The following LACTB variants were observed in gnomAD, a reference collection of about 807,000 sequenced individuals.
LACTB encodes lactamase beta.
LACTB carries 35 observed loss-of-function variants against 50.2 expected under a neutral mutation model. The observed-to-expected ratio is 0.70, with a 90% confidence interval of 0.53 to 0.92. LACTB has a LOEUF of 0.92. Ranked by LOEUF, LACTB falls within the 40% of genes least tolerant of loss-of-function variation. The pLI is 0.00. For synonymous variants in LACTB, 252 were observed against 268.2 expected, an observed-to-expected ratio of 0.94 and a Z score of 0.59; for missense variants, 664 against 691.8, an observed-to-expected ratio of 0.96 and a Z score of 0.45.
intron 2 of LACTB, among the ~76,000 whole-genome samples, chr15:63,123,992 G>A (rs1232267703): frequency 2.0e-5 from 3 of 149,530 alleles, no homozygotes; most frequent in Non-Finnish European, 3.0e-5. Context: ...AAACTCCCCC[G>A]GAGAAAAGGA....
At position 63,134,892 on chromosome 15, in the gene LACTB, A is replaced by T. The variant is rs570997867; in HGVS notation, c.1118+5242A>T. Among the ~76,000 whole-genome samples the T allele has an allele frequency of 2.9e-4, 44 of 152,280 alleles. 1 individual carries two copies. The East Asian group carries it at 6.0e-3, about 21-fold the overall frequency. ...TTCCTCACTGTGGGTTGAGGTTAAAAAAAAAGTTTGAAAGCCATTCAGTGG... is the reference window on the plus strand; with the variant it reads ...TTCCTCACTGTGGGTTGAGGTTAAATAAAAAGTTTGAAAGCCATTCAGTGG... On this transcript the variant is annotated intron_variant, in intron 5 of 5. Transcript: ENST00000261893.
intron 5 of LACTB, among the ~76,000 whole-genome samples, chr15:63,140,495 C>T (rs764652520): frequency 6.6e-6 from 1 of 152,164 alleles, no homozygotes; most frequent in Non-Finnish European, 1.5e-5. Context: ...AACCCTACTT[C>T]ACTCAATATT....
chr15:63,141,003 A>G (rs1407324390), intron 5 of LACTB: 12 of 984,814 alleles, frequency 1.2e-5, no homozygotes, highest in Non-Finnish European at 1.3e-5. Flanking sequence ...TTTTGCAGGT[A>G]TTAAAGGTTT....
chr15:63,122,687 G>A lies in LACTB; in HGVS notation c.409G>A (p.Glu137Lys). 1.2e-6 allele frequency: 2 copies of A among 1,613,384 alleles called. No homozygotes were observed. The highest frequency in any genetic ancestry group is 1.7e-6 in the Non-Finnish European group (2 of 1,179,248). Residue 137 changes from glutamate (E) to lysine (K), a missense_variant, in exon 2 of 6, where the codon GAA becomes AAA. Coordinates refer to ENST00000261893, the MANE Select transcript of LACTB (RefSeq NM_032857.5). Reference sequence around the variant, plus strand: ...GGTTGGAGTTTCTGTAGATGGAAAAGAAGTCTGGTCAGAAGGTGGGTTCAG... The same window carrying A: ...GGTTGGAGTTTCTGTAGATGGAAAAAAAGTCTGGTCAGAAGGTGGGTTCAG... ...IVVGVSVDGKEVWSEGLGYAD... is the reference protein window; with the variant it reads ...IVVGVSVDGKKVWSEGLGYAD...
At chr15:63,138,971 G>C (rs2037200159) in intron 5 of LACTB, among the ~76,000 whole-genome samples, 1 of 149,932 alleles carries the variant, frequency 6.7e-6, no homozygotes, top group Non-Finnish European at 1.5e-5. Flanking sequence ...TTGAATCCGG[G>C]AGGCAGAGAT....
chr15:63,121,886 G>C lies in LACTB; in HGVS notation c.15G>C (p.Met5Ile). The C allele has an allele frequency of 7.1e-7, 1 of 1,413,470 alleles. No homozygotes were observed. Among genetic ancestry groups the C allele is most frequent in the Non-Finnish European group, 9.2e-7 (1 of 1,089,310 alleles). 87.6% of individuals were successfully genotyped at this position (1,413,470 alleles called of 1,614,324 possible). The stretch of plus-strand genomic sequence containing the variant: ...GCAGAGACGCCATGTACCGGCTCAT[G>C]TCAGCAGTGACTGCCCGGGCTGCCG... MYRL[M>I]SAVTARAAAP... The change falls in exon 1 of 6, where the codon ATG becomes ATC. Residue 5 changes from methionine (M) to isoleucine (I), a missense_variant. Coordinates refer to ENST00000261893, the MANE Select transcript of LACTB (RefSeq NM_032857.5).
At chr15:63,123,929 A>T (rs373232039) in intron 2 of LACTB, among the ~76,000 whole-genome samples, 1 of 152,222 alleles carries the variant, frequency 6.6e-6, no homozygotes, top group Non-Finnish European at 1.5e-5. Flanking sequence ...ACTGCGGGCA[A>T]GCCTGACTGA....
chr15:63,136,058 T>G (rs998082159), intron 5 of LACTB, among the ~76,000 whole-genome samples: 15 of 150,768 alleles, frequency 9.9e-5, no homozygotes, highest in Non-Finnish European at 1.8e-4. Flanking sequence ...TTTTTTTTTT[T>G]TGAGACAAGA....
chr15:63,139,215 A>T (rs1410858133), intron 5 of LACTB, among the ~76,000 whole-genome samples: 1 of 130,870 alleles, frequency 7.6e-6, no homozygotes, highest in Non-Finnish European at 1.7e-5. Context: ...AAAAAAAAAA[A>T]ATTAGCTGGG....
chr15:63,129,662 C>T lies in LACTB; in HGVS notation c.1118+12C>T, dbSNP rs776186091. The T allele has an allele frequency of 1.9e-6, 3 of 1,575,494 alleles. No individual in the cohort carries two copies. The highest frequency in any genetic ancestry group is 2.6e-6 in the Non-Finnish European group (3 of 1,160,916). ...TACAATAGAGCAAGGTAAATGAATACCTTCTGCTGTGTCTAGCTATATCGC... is the reference window on the plus strand; with the variant it reads ...TACAATAGAGCAAGGTAAATGAATATCTTCTGCTGTGTCTAGCTATATCGC... On this transcript the variant is annotated intron_variant, in intron 5 of 5. Transcript: ENST00000261893.
At chr15:63,122,527 AG>A in intron 1 of LACTB, 108 bp from the exon 2 acceptor site, 1 of 889,640 alleles carries the variant, frequency 1.1e-6, no homozygotes, top group Non-Finnish European at 1.9e-6. Context: ...GCCCAGGTGG[AG>A]GGGGCGGGGC....
chr15:63,128,630 C>G (rs942033909), intron 4 of LACTB, among the ~76,000 whole-genome samples: 2 of 151,600 alleles, frequency 1.3e-5, no homozygotes, highest in African/African-American at 4.8e-5. Flanking sequence ...TGTCCAGAAC[C>G]CAAAATGATA....
chr15:63,123,309 A>G (rs998360577), intron 2 of LACTB, among the ~76,000 whole-genome samples: 5 of 152,242 alleles, frequency 3.3e-5, no homozygotes, highest in African/African-American at 1.2e-4. Flanking sequence ...CTTGCAGGTA[A>G]CACTTATGGG....
chr15:63,139,362 C>T (rs1347363477), intron 5 of LACTB, among the ~76,000 whole-genome samples: 2 of 150,690 alleles, frequency 1.3e-5, no homozygotes, highest in Non-Finnish European at 3.0e-5. Context: ...TGTCAAAAAT[C>T]AATAAATAGG....
intron 4 of LACTB, 47 bp downstream of exon 4, chr15:63,127,736 T>C (rs917884043): frequency 1.5e-6 from 2 of 1,303,484 alleles, no homozygotes; most frequent in African/African-American, 1.5e-5. Context: ...TACTGAAATG[T>C]TAATTTTCAG....
Position 63,122,930 on chromosome 15 carries a change from T to G in LACTB, c.424+228T>G, listed in dbSNP as rs565005154. On this transcript the variant is annotated intron_variant, in intron 2 of 5. Transcript: ENST00000261893. ...GGATGGCTACCCACTCCCACTTTTC[T>G]CTTAGGACTGGATTTATTAGTCTGA... Among the ~76,000 whole-genome samples, 3 of 152,348 alleles carry G rather than the reference T, an allele frequency of 2.0e-5. No individual in the cohort carries two copies. The South Asian group carries it at 6.2e-4, about 32-fold the overall frequency.
intron 5 of LACTB, among the ~76,000 whole-genome samples, chr15:63,133,204 C>T (rs2037148727): frequency 6.6e-6 from 1 of 152,186 alleles, no homozygotes; most frequent in Non-Finnish European, 1.5e-5. Flanking sequence ...TCATTTACCA[C>T]TATAATAGGA....
intron 5 of LACTB, among the ~76,000 whole-genome samples, chr15:63,140,360 G>A (rs1198200093): frequency 6.6e-6 from 1 of 152,186 alleles, no homozygotes; most frequent in Non-Finnish European, 1.5e-5. Context: ...GTCATTAAAA[G>A]TTGTATAATG....
At chr15:63,128,433 CA>C (rs35310074) in intron 4 of LACTB, among the ~76,000 whole-genome samples, 1 of 151,706 alleles carries the variant, frequency 6.6e-6, no homozygotes, top group African/African-American at 2.4e-5. Flanking sequence ...CCTGTTTCTC[CA>C]AAAAAAATTT....
Sources: gnomAD v4.1 joint callset for allele counts (sites outside exome capture counted in the v4.1 genomes callset) on GRCh38, gnomAD v4.1.1 for gene constraint, MANE v1.5 for transcripts, NCBI Gene and HGNC (gene_info 2026-07-23, HGNC 2026-07-21) for gene names.